HS2ST1: variants seen among roughly 807,000 people sequenced by gnomAD.
HS2ST1 encodes the protein 2-O-sulfotransferase.
In HS2ST1, 18 loss-of-function variants were observed where a neutral mutation model predicts 42.9. The observed-to-expected ratio is 0.42, with a 90% CI of 0.29 to 0.62. HS2ST1 has a LOEUF of 0.62. Among genes scored for constraint, HS2ST1 ranks in the 20% least tolerant of loss-of-function variants. HS2ST1 has a pLI of 0.21. For synonymous variants in HS2ST1, 146 were observed against 152.9 expected (o/e 0.95, Z 0.33); for missense variants, 334 against 433.8 (o/e 0.77, Z 2.04).
rs1315178938 is a variant in HS2ST1, at chr1:87,070,154, C to T, written c.125-2780C>T. ...CATATGTCTGTGTTGCTAGAGGAAA[C>T]CTCTCACGCTTCTGTCAGCGCTTAA... On this transcript the variant is annotated intron_variant, in intron 1 of 6. Coordinates refer to ENST00000370550, the MANE Select transcript of HS2ST1 (RefSeq NM_012262.4). 3.3e-5 allele frequency among the ~76,000 whole-genome samples: 5 copies of T among 152,220 alleles called. No individual in the cohort carries two copies. The East Asian group carries it at 9.6e-4, about 29-fold the overall frequency.
At chr1:87,024,354 T>A (rs771262753) in intron 1 of HS2ST1, among the ~76,000 whole-genome samples, 9 of 151,850 alleles carry the variant, frequency 5.9e-5, no homozygotes, top group African/African-American at 7.3e-5. Context: ...ATACAAAAAT[T>A]AGATGGCGTG....
intron 4 of HS2ST1, among the ~76,000 whole-genome samples, chr1:87,097,174 C>T (rs183897787): frequency 6.6e-6 from 1 of 152,150 alleles, no homozygotes; most frequent in African/African-American, 2.4e-5. Context: ...TCTATATGCT[C>T]TGGAGGACAC....
At chr1:87,076,041 TTAAAA>T (rs1453169310) in intron 2 of HS2ST1, among the ~76,000 whole-genome samples, 2 of 152,200 alleles carry the variant, frequency 1.3e-5, no homozygotes, top group African/African-American at 2.4e-5. Flanking sequence ...ATGAAAACAG[TTAAAA>T]TAAAACATCA....
chr1:87,075,702 A>G lies in HS2ST1; in HGVS notation c.363+2530A>G, dbSNP rs532796605. 3.3e-5 allele frequency among the ~76,000 whole-genome samples: 5 copies of G among 152,156 alleles called. No individual in the cohort carries two copies. In the East Asian group the frequency reaches 9.7e-4, roughly 29 times the overall value. ...ATCTGCCTTTAGCCCCAGCTTTCCT[A>G]GACATTTTTTGTACATACTATATTA... On this transcript the variant is annotated intron_variant, in intron 2 of 6. Coordinates refer to ENST00000370550, the MANE Select transcript of HS2ST1 (RefSeq NM_012262.4).
At chr1:86,985,976 G>T (rs191881133) in intron 1 of HS2ST1, among the ~76,000 whole-genome samples, 83 of 149,628 alleles carry the variant, frequency 5.5e-4, no homozygotes, top group African/African-American at 2.0e-3. Context: ...TAAATTGTGT[G>T]AGCTTTGCTT....
At chr1:87,055,612 T>TC (rs1650945656) in intron 1 of HS2ST1, among the ~76,000 whole-genome samples, 1 of 152,226 alleles carries the variant, frequency 6.6e-6, no homozygotes, top group Admixed American at 6.5e-5. Flanking sequence ...CTTATAGAAG[T>TC]TGTTCTGAAA....
At chr1:87,102,604 A>G (rs946019358) in intron 5 of HS2ST1, among the ~76,000 whole-genome samples, 1 of 152,212 alleles carries the variant, frequency 6.6e-6, no homozygotes, top group Non-Finnish European at 1.5e-5. Flanking sequence ...TTTTATATAA[A>G]AAGTTTGCCA....
At chr1:87,051,510 T>C (rs985868522) in intron 1 of HS2ST1, among the ~76,000 whole-genome samples, 13 of 152,228 alleles carry the variant, frequency 8.5e-5, no homozygotes, top group African/African-American at 3.1e-4. Flanking sequence ...TTAAAGTAGA[T>C]ATTAAAATGT....
chr1:86,977,533 A>G (rs1320366277), intron 1 of HS2ST1, among the ~76,000 whole-genome samples: 1 of 152,218 alleles, frequency 6.6e-6, no homozygotes, highest in Non-Finnish European at 1.5e-5. Context: ...TGTGACATTT[A>G]CTGAGACAAA....
intron 1 of HS2ST1, among the ~76,000 whole-genome samples, chr1:86,967,513 T>C (rs996656026): frequency 2.6e-5 from 4 of 152,188 alleles, no homozygotes; most frequent in Non-Finnish European, 5.9e-5. Flanking sequence ...TGCATACTCA[T>C]AATGTAGCTC....
intron 2 of HS2ST1, among the ~76,000 whole-genome samples, chr1:87,080,355 A>C (rs1177992850): frequency 6.6e-6 from 1 of 152,198 alleles, no homozygotes; most frequent in Non-Finnish European, 1.5e-5. Flanking sequence ...GGAAATAAAC[A>C]ATTGAGAGAG....
chr1:86,980,221 C>A (rs930188725), intron 1 of HS2ST1, among the ~76,000 whole-genome samples: 1 of 152,046 alleles, frequency 6.6e-6, no homozygotes, highest in African/African-American at 2.4e-5. Flanking sequence ...AGGGAACTTG[C>A]ATTGTAGTGG....
intron 1 of HS2ST1, among the ~76,000 whole-genome samples, chr1:87,030,847 T>C (rs1173175756): frequency 1.3e-5 from 2 of 152,198 alleles, no homozygotes; most frequent in East Asian, 1.9e-4. Flanking sequence ...TTATGGGGTA[T>C]TATGCAAAGC....
intron 1 of HS2ST1, chr1:87,064,388 G>A (rs78181184): frequency 2.0e-4 from 95 of 475,268 alleles, no homozygotes; most frequent in African/African-American, 1.8e-3. Context: ...CATGTATTGT[G>A]TGCCAGTATT....
intron 4 of HS2ST1, among the ~76,000 whole-genome samples, chr1:87,093,384 G>A (rs1202290269): frequency 6.6e-6 from 1 of 151,990 alleles, no homozygotes; most frequent in African/African-American, 2.4e-5. Flanking sequence ...TTTTACACAT[G>A]TATTATTCCC....
intron 1 of HS2ST1, among the ~76,000 whole-genome samples, chr1:87,061,817 T>A (rs1651127843): frequency 6.6e-6 from 1 of 152,164 alleles, no homozygotes; most frequent in Admixed American, 6.5e-5. Flanking sequence ...TGCCAAACTG[T>A]TTTTCATCAT....
At chr1:86,959,477 G>A (rs1165077364) in intron 1 of HS2ST1, among the ~76,000 whole-genome samples, 1 of 152,158 alleles carries the variant, frequency 6.6e-6, no homozygotes, top group African/African-American at 2.4e-5. Context: ...GGCTAACATG[G>A]TGAAACCCCG....
intron 1 of HS2ST1, among the ~76,000 whole-genome samples, chr1:87,062,531 A>G (rs1195560159): frequency 6.6e-6 from 1 of 152,166 alleles, no homozygotes; most frequent in Non-Finnish European, 1.5e-5. Context: ...GCCACATCAC[A>G]GAATGCCGTA....
intron 2 of HS2ST1, among the ~76,000 whole-genome samples, chr1:87,077,052 G>T (rs923602771): frequency 1.3e-5 from 2 of 152,126 alleles, no homozygotes; most frequent in African/African-American, 2.4e-5. Context: ...TGCAGATTCA[G>T]ATTCAGAAGG....
Sources: gnomAD v4.1 joint callset for allele counts (sites outside exome capture counted in the v4.1 genomes callset) on GRCh38, gnomAD v4.1.1 for gene constraint, MANE v1.5 for transcripts, NCBI Gene and HGNC (gene_info 2026-07-23, HGNC 2026-07-21) for gene names.